Variants in COL4A5 observed in about 807,000 individuals in gnomAD.
The protein encoded by COL4A5 is collagen alpha-5(IV) chain.
In COL4A5, 26 loss-of-function variants were observed where a neutral mutation model predicts 130.2. The observed-to-expected ratio is 0.20, with a 90% CI of 0.15 to 0.28. The LOEUF (loss-of-function observed/expected upper bound fraction) is 0.28, where lower values mean the gene tolerates loss of function less well. COL4A5 is among the 10% of genes least tolerant of loss of function. The probability of loss-of-function intolerance (pLI) is 1.00; values close to 1 mark genes in which losing one functional copy is unlikely to be tolerated. For synonymous variants in COL4A5, 496 were observed against 439.6 expected, an observed-to-expected ratio of 1.13 and a Z score of -1.60; for missense variants, 1,131 against 1,344.3, an observed-to-expected ratio of 0.84 and a Z score of 2.48.
intron 38 of COL4A5, among the ~76,000 whole-genome samples, chrX:108,665,827 G>A (rs2068065990): frequency 1.8e-5 from 2 of 112,031 alleles, no homozygotes; most frequent in Non-Finnish European, 3.8e-5. Flanking sequence ...GAGGTGGGAG[G>A]ATCACTTGAG....
intron 16 of COL4A5, 54 bp downstream of exon 16, chrX:108,581,081 T>A (rs2066239707): frequency 9.5e-7 from 1 of 1,053,326 alleles, no homozygotes; most frequent in South Asian, 1.9e-5. Flanking sequence ...TATGTGTTGG[T>A]ATAACATAAG....
intron 49 of COL4A5, 37 bp from the exon 50 acceptor site, chrX:108,692,711 C>T (rs28526356): frequency 2.7e-5 from 32 of 1,184,744 alleles, no homozygotes; most frequent in South Asian, 5.3e-5. Flanking sequence ...ATCATTATCA[C>T]GCAGTCCTTT....
At chrX:108,575,769 G>A (rs927019330) in intron 9 of COL4A5, 141 bp from the exon 10 acceptor site, 10 of 457,732 alleles carry the variant, frequency 2.2e-5, no homozygotes, top group Non-Finnish European at 2.7e-5. Flanking sequence ...CCCAGGAGGC[G>A]GAGGTCGCAG....
intron 6 of COL4A5, among the ~76,000 whole-genome samples, chrX:108,571,090 A>G (rs1603279696): frequency 8.9e-6 from 1 of 112,181 alleles, no homozygotes; most frequent in South Asian, 3.7e-4. Context: ...TGGGCAGGAA[A>G]TGGGGCAGAT....
At chrX:108,572,780 A>G (rs1163862239) in intron 8 of COL4A5, among the ~76,000 whole-genome samples, 1 of 112,013 alleles carries the variant, frequency 8.9e-6, no homozygotes, top group African/African-American at 3.2e-5. Context: ...TTGATAATTT[A>G]ATATGCTTAT....
At chrX:108,627,266 TTAAGGG>T in intron 36 of COL4A5, 1 of 604,158 alleles carries the variant, frequency 1.7e-6, no homozygotes, top group Non-Finnish European at 2.0e-6. Context: ...TATAGACATA[TTAAGGG>T]TAAGAGTGAA....
At chrX:108,686,184 C>G (rs1037093730) in intron 48 of COL4A5, 55 bp downstream of exon 48, 1 of 956,749 alleles carries the variant, frequency 1.0e-6, no homozygotes, top group African/African-American at 1.9e-5. Flanking sequence ...GTCTGAGAGA[C>G]CTCTGGACAT....
chrX:108,455,006 T>C (rs2064570413), intron 1 of COL4A5, among the ~76,000 whole-genome samples: 1 of 111,910 alleles, frequency 8.9e-6, no homozygotes, highest in Admixed American at 9.5e-5. Context: ...GACATATGTA[T>C]ACACCTGCGA....
intron 1 of COL4A5, among the ~76,000 whole-genome samples, chrX:108,522,133 C>A (rs533094285): frequency 2.7e-5 from 3 of 111,176 alleles, no homozygotes; most frequent in Non-Finnish European, 5.7e-5. Context: ...TAGCATAAAT[C>A]GGTACTTCAT....
At chrX:108,505,895 G>A (rs1368769702) in intron 1 of COL4A5, among the ~76,000 whole-genome samples, 1 of 112,372 alleles carries the variant, frequency 8.9e-6, no homozygotes, top group Non-Finnish European at 1.9e-5. Context: ...AAATGTTTGA[G>A]GCTTTCTCTG....
intron 1 of COL4A5, among the ~76,000 whole-genome samples, chrX:108,485,818 G>A (rs2064938869): frequency 9.0e-6 from 1 of 110,933 alleles, no homozygotes; most frequent in Non-Finnish European, 1.9e-5. Context: ...GCACCAACTG[G>A]TGTCTCAGTA....
intron 36 of COL4A5, among the ~76,000 whole-genome samples, chrX:108,633,485 T>C (rs2067302817): frequency 1.8e-5 from 2 of 111,448 alleles, no homozygotes; most frequent in South Asian, 7.4e-4. Flanking sequence ...CTTTATTCAC[T>C]GATATAAAAT....
chrX:108,682,499 A>G (rs1251258584), intron 47 of COL4A5, among the ~76,000 whole-genome samples: 1 of 111,701 alleles, frequency 9.0e-6, no homozygotes, highest in Non-Finnish European at 1.9e-5. Context: ...ACTAATTTAC[A>G]CTCCCACAAA....
At chrX:108,627,461 A>T (rs746775230) in intron 36 of COL4A5, 5 of 748,520 alleles carry the variant, frequency 6.7e-6, no homozygotes, top group Non-Finnish European at 7.9e-6. Flanking sequence ...GCTACTCTGT[A>T]CCTTGCTTTA....
At chrX:108,602,034 A>G (rs1197581213) in intron 27 of COL4A5, 45 bp downstream of exon 27, 1 of 641,220 alleles carries the variant, frequency 1.6e-6, no homozygotes. Flanking sequence ...GAAGTTTAGC[A>G]TGATGTTATT....
intron 36 of COL4A5, among the ~76,000 whole-genome samples, chrX:108,642,467 A>T (rs895158362): frequency 9.0e-6 from 1 of 110,963 alleles, no homozygotes; most frequent in Non-Finnish European, 1.9e-5. Context: ...CAAAGATAAG[A>T]ACCCTCACAG....
intron 1 of COL4A5, among the ~76,000 whole-genome samples, chrX:108,501,937 T>C (rs1461611815): frequency 1.8e-5 from 2 of 111,701 alleles, no homozygotes; most frequent in African/African-American, 3.3e-5. Context: ...TGGACTCTTA[T>C]GGTGGAGCAA....
intron 1 of COL4A5, among the ~76,000 whole-genome samples, chrX:108,472,031 T>C (rs1033294373): frequency 2.7e-5 from 3 of 111,669 alleles, no homozygotes; most frequent in Non-Finnish European, 5.7e-5. Context: ...TTTAGTATGT[T>C]GTATTTTTAT....
chrX:108,473,635 T>TATATATATATATATATATATATA (rs2064803930), intron 1 of COL4A5, among the ~76,000 whole-genome samples: 1 of 17,058 alleles, frequency 5.9e-5, no homozygotes, highest in Non-Finnish European at 1.7e-4. Context: ...ATATATATAT[T>TATATATATATATATATATATATA]TTTTTTTTTT....
Sources: allele counts gnomAD v4.1 joint callset (sites outside exome capture counted in the v4.1 genomes callset), GRCh38; gene constraint gnomAD v4.1.1; transcripts MANE v1.5; gene names NCBI Gene and HGNC (gene_info 2026-07-23, HGNC 2026-07-21).